The following IL4I1 variants were observed in gnomAD, a reference collection of about 807,000 sequenced individuals.
The protein encoded by IL4I1 is L-amino-acid oxidase.
Under a neutral mutation model 29.7 loss-of-function variants are expected in IL4I1, and 24 were observed. The observed-to-expected ratio is 0.81, with a 90% CI of 0.59 to 1.14. IL4I1 has a LOEUF of 1.14. Ranked by LOEUF, IL4I1 falls within the 50% of genes most tolerant of loss-of-function variation. The pLI is 0.00. For synonymous variants in IL4I1, 371 were observed against 352.5 expected (o/e 1.05, Z -0.59); for missense variants, 686 against 785.6 (o/e 0.87, Z 1.52).
At chr19:49,901,452 G>T (rs2075271281), upstream of IL4I1, among the ~76,000 whole-genome samples, 1 of 152,188 alleles carries the variant, frequency 6.6e-6, no homozygotes, top group Non-Finnish European at 1.5e-5. Flanking sequence ...CCTGCCCAGG[G>T]GATGACCTGG....
intron 2 of IL4I1, chr19:49,907,842 G>T (rs1222631840): frequency 6.0e-6 from 2 of 335,404 alleles, no homozygotes; most frequent in African/African-American, 2.2e-5. Flanking sequence ...TGACTTGGAG[G>T]TTCTCTTACA....
chr19:49,891,181 C>T (rs1481419753), intron 6 of IL4I1, 74 bp from the exon 7 acceptor site: 2 of 1,562,748 alleles, frequency 1.3e-6, no homozygotes, highest in South Asian at 1.2e-5. Context: ...CGCAGCTGGG[C>T]CTCCTGGTCC....
chr19:49,893,163 T>G (rs1425621320), intron 5 of IL4I1, among the ~76,000 whole-genome samples: 1 of 152,028 alleles, frequency 6.6e-6, no homozygotes, highest in Non-Finnish European at 1.5e-5. Flanking sequence ...AAGATCAGAC[T>G]TTGTCCTGGA....
At chr19:49,920,176 G>A (rs985987115) in intron 2 of IL4I1, among the ~76,000 whole-genome samples, 6 of 152,054 alleles carry the variant, frequency 3.9e-5, no homozygotes, top group African/African-American at 7.3e-5. Flanking sequence ...TCTGCCTCCC[G>A]GGTTCAAGCT....
intron 3 of IL4I1, among the ~76,000 whole-genome samples, chr19:49,895,418 C>T (rs959821917): frequency 1.3e-5 from 2 of 152,158 alleles, no homozygotes; most frequent in Admixed American, 6.5e-5. Context: ...TCGGGGAGTT[C>T]GGAGATGACC....
At position 49,890,943 on chromosome 19, in the gene IL4I1, C is replaced by G. The variant is rs760405621; in HGVS notation, c.773+28G>C. The stretch of plus-strand genomic sequence containing the variant: ...TTTCCCTGATTGCCCCCCGCCCCCC[C>G]CCCCTGCCCGCCAGCCCCGCCCCTT... On this transcript the variant is annotated intron_variant, in intron 7 of 7. Transcript: ENST00000391826. The G allele has an allele frequency of 5.3e-4, 311 of 591,214 alleles. 3 individuals carry two copies. Among genetic ancestry groups the G allele is most frequent in the Admixed American group, 1.3e-3 (30 of 23,942 alleles). The allele number at this position is 591,214 out of a possible 1,614,324, so 36.6% of individuals were successfully genotyped here.
intron 2 of IL4I1, among the ~76,000 whole-genome samples, chr19:49,905,902 C>T (rs568214369): frequency 9.9e-5 from 15 of 152,206 alleles, no homozygotes; most frequent in Non-Finnish European, 1.3e-4. Context: ...CGCACCTGGC[C>T]GGTCCAAGGA....
intron 2 of IL4I1, chr19:49,908,904 T>C (rs879274198): frequency 3.7e-6 from 6 of 1,608,270 alleles, no homozygotes; most frequent in Non-Finnish European, 5.1e-6. Flanking sequence ...TTGCTGGGGA[T>C]CCCGGCTGGC....
At chr19:49,916,737 C>A (rs1276031891) in intron 2 of IL4I1, among the ~76,000 whole-genome samples, 1 of 151,562 alleles carries the variant, frequency 6.6e-6, no homozygotes, top group Non-Finnish European at 1.5e-5. Context: ...GCACTCCAGC[C>A]TGGGAGACAG....
intron 2 of IL4I1, among the ~76,000 whole-genome samples, chr19:49,915,519 C>T (rs898350767): frequency 1.3e-5 from 2 of 152,238 alleles, no homozygotes; most frequent in Non-Finnish European, 2.9e-5. Flanking sequence ...TCTGGACCCC[C>T]AGCACTGTGA....
intron 2 of IL4I1, among the ~76,000 whole-genome samples, chr19:49,922,743 C>T (rs1031372919): frequency 9.9e-5 from 15 of 152,084 alleles, no homozygotes; most frequent in Non-Finnish European, 1.3e-4. Flanking sequence ...CAGCTTCTCC[C>T]GTGAAACCAG....
intron 4 of IL4I1, 59 bp from the exon 5 acceptor site, chr19:49,894,528 G>T: frequency 7.0e-7 from 1 of 1,420,498 alleles, no homozygotes; most frequent in Non-Finnish European, 9.9e-7. Flanking sequence ...CTGGTCCCTA[G>T]TGGGACTTGG....
At chr19:49,918,988 A>G (rs547181485) in intron 2 of IL4I1, among the ~76,000 whole-genome samples, 18 of 151,590 alleles carry the variant, frequency 1.2e-4, no homozygotes, top group South Asian at 8.4e-4. Context: ...CATCTCTACA[A>G]AAAAAAATTA....
chr19:49,902,602 C>T (rs569896787), intron 3 of IL4I1, among the ~76,000 whole-genome samples: 6 of 151,786 alleles, frequency 4.0e-5, no homozygotes, highest in Non-Finnish European at 8.8e-5. Context: ...CCGAGGTGAG[C>T]GGATCACCTG....
chr19:49,916,469 C>T (rs1340477919), intron 2 of IL4I1, among the ~76,000 whole-genome samples: 1 of 147,356 alleles, frequency 6.8e-6, no homozygotes, highest in East Asian at 2.0e-4. Flanking sequence ...ATTTTTGTAT[C>T]TCTACTAAAA....
intron 2 of IL4I1, chr19:49,909,410 T>C (rs1385288140): frequency 1.2e-6 from 2 of 1,613,852 alleles, no homozygotes; most frequent in East Asian, 2.2e-5. Flanking sequence ...TGCTGTGCCC[T>C]GGCTGGAGGT....
chr19:49,927,209 G>A (rs1273637126), intron 2 of IL4I1, among the ~76,000 whole-genome samples: 3 of 152,046 alleles, frequency 2.0e-5, no homozygotes, highest in Non-Finnish European at 2.9e-5. Context: ...GGAAACTGAG[G>A]CACAGGGAAG....
At chr19:49,896,926 G>T (rs894552997), upstream of IL4I1, 3 of 978,612 alleles carry the variant, frequency 3.1e-6, no homozygotes, top group African/African-American at 1.8e-5. Flanking sequence ...TAAACTGGCA[G>T]AGCCCCGCCC....
chr19:49,927,430 T>C (rs1230184600), intron 2 of IL4I1, among the ~76,000 whole-genome samples: 1 of 152,154 alleles, frequency 6.6e-6, no homozygotes, highest in African/African-American at 2.4e-5. Context: ...TTGGTAAGGT[T>C]TACAAATTTG....
Sources: gnomAD v4.1 joint callset for allele counts (sites outside exome capture counted in the v4.1 genomes callset) on GRCh38, gnomAD v4.1.1 for gene constraint, MANE v1.5 for transcripts, NCBI Gene and HGNC (gene_info 2026-07-23, HGNC 2026-07-21) for gene names.